GTF2H5: variants seen among roughly 807,000 people sequenced by gnomAD.
GTF2H5 encodes the protein general transcription factor IIH subunit 5, also known as TFB5 ortholog.
Under a neutral mutation model 7.1 loss-of-function variants are expected in GTF2H5, and 5 were observed. That is an observed-to-expected ratio of 0.71 (90% CI 0.37 to 1.49). The LOEUF (loss-of-function observed/expected upper bound fraction) is 1.49. GTF2H5 is among the 40% of genes most tolerant of loss of function. The pLI is 0.03. For missense variants in GTF2H5, 80 were observed against 83.0 expected (o/e 0.96, Z 0.14); for synonymous variants, 30 against 31.7 (o/e 0.95, Z 0.18).
rs1056790469 is a variant in GTF2H5 at position 158,195,096 on chromosome 6, T to G, written c.*2939T>G. The stretch of plus-strand genomic sequence containing the variant: ...ATTATTTGATTTGGCATACTTTACA[T>G]GTCCAGAACAAGGCTGTTGGTGCTT... On this transcript the variant is annotated 3_prime_UTR_variant, in exon 3 of 3. Transcript: ENST00000607778. 2 of 151,906 alleles carry G rather than the reference T, an allele frequency of 1.3e-5. No individual in the cohort carries two copies. The highest frequency in any genetic ancestry group is 4.8e-5 in the African/African-American group (2 of 41,342). The allele number at this position is 151,906 out of a possible 1,614,324, so 9.4% of individuals were successfully genotyped here. A position where few individuals can be genotyped will look rare whatever the true frequency, so the allele number is the denominator to read the frequency against.
At chr6:158,177,469 G>A (rs183968356) in intron 2 of GTF2H5, among the ~76,000 whole-genome samples, 2 of 152,290 alleles carry the variant, frequency 1.3e-5, no homozygotes, top group Non-Finnish European at 2.9e-5. Flanking sequence ...AGCTGATGGG[G>A]ACTTTTTGAT....
In GTF2H5 at chr6:158,192,147, C is replaced by T. The variant is rs144130001; in HGVS notation, c.206C>T (p.Thr69Ile). 1.7e-5 allele frequency: 27 copies of T among 1,611,644 alleles called. No homozygotes were observed. The highest frequency in any genetic ancestry group is 6.7e-5 in the Admixed American group (4 of 59,994). ...ATGGACCAAAATGCTTTTTCCCTTA[C>T]CCAGAAATGAAAATACTCAATATGG... Reference protein sequence around the residue: ...ELMDQNAFSLTQK With the variant: ...ELMDQNAFSLIQK The change falls in exon 3 of 3, where the codon ACC becomes ATC. Residue 69 changes from threonine to isoleucine, a missense_variant. Transcript: ENST00000607778.
rs548551604 is a variant in GTF2H5 at position 158,178,717 on chromosome 6, A to G, written c.35+8179A>G. Among the ~76,000 whole-genome samples the G allele has an allele frequency of 7.2e-5, 11 of 152,090 alleles. No individual in the cohort carries two copies. The South Asian group carries it at 2.3e-3, about 32-fold the overall frequency. On this transcript the variant is annotated intron_variant, in intron 2 of 2. Transcript: ENST00000607778. ...GGGGTTGTTTGCTTTTTTCTTGTAA[A>G]TTTGTTTAAGTTCTTTGTAGATTCT...
intron 2 of GTF2H5, chr6:158,190,509 G>T: frequency 3.2e-6 from 1 of 314,176 alleles, no homozygotes; most frequent in Non-Finnish European, 6.2e-6. Context: ...TCTCAACCCA[G>T]CAGCCAATAT....
chr6:158,194,413 T>A lies in GTF2H5; in HGVS notation c.*2256T>A, dbSNP rs1225041296. On this transcript the variant is annotated 3_prime_UTR_variant, in exon 3 of 3. Transcript: ENST00000607778. ...GACGGGAGCTCAGTTGCAACAATTC[T>A]ACAGAAGTAAAAACATGCAAAAAAT... 6.6e-6 allele frequency: 1 copy of A among 152,206 alleles called. No homozygotes were observed. Among genetic ancestry groups the A allele is most frequent in the Non-Finnish European group, 1.5e-5 (1 of 68,044 alleles). The allele number at this position is 152,206 out of a possible 1,614,324, so 9.4% of individuals were successfully genotyped here.
chr6:158,190,727 GTTACC>G, intron 2 of GTF2H5: 3 of 408,416 alleles, frequency 7.3e-6, no homozygotes, highest in South Asian at 5.4e-5. Context: ...GGATTAAATT[GTTACC>G]TTTACAATTG....
intron 2 of GTF2H5, among the ~76,000 whole-genome samples, chr6:158,176,772 A>G (rs995743211): frequency 1.3e-5 from 2 of 152,176 alleles, no homozygotes; most frequent in African/African-American, 4.8e-5. Context: ...TTATTTGTTA[A>G]CAGCAAGCCA....
rs1167068836 is a variant in GTF2H5, at chr6:158,194,959, G to C, written c.*2802G>C. On this transcript the variant is annotated 3_prime_UTR_variant, in exon 3 of 3. Transcript: ENST00000607778. ...TCTGGACATTATTAAGAAAGATAGA[G>C]TGATGTGAATGATAGGAAGCCCACC... 1 of 152,198 alleles carries C rather than the reference G, an allele frequency of 6.6e-6. No homozygotes were observed. Among genetic ancestry groups the C allele is most frequent in the Non-Finnish European group, 1.5e-5 (1 of 68,038 alleles). The allele number at this position is 152,198 out of a possible 1,614,324, so 9.4% of individuals were successfully genotyped here.
chr6:158,185,841 A>G (rs933196036), intron 2 of GTF2H5, among the ~76,000 whole-genome samples: 1 of 152,004 alleles, frequency 6.6e-6, no homozygotes, highest in South Asian at 2.1e-4. Context: ...AAAAAATACA[A>G]AAAAAATCTG....
At position 158,169,772 on chromosome 6, in the gene GTF2H5, A is replaced by ATATAATATATTGTATATTATATATT. The variant is rs1187068824; in HGVS notation, c.-34-698_-34-697insTATAATATATTGTATATTATATATT. On this transcript the variant is annotated intron_variant, in intron 1 of 2. Coordinates refer to ENST00000607778, the MANE Select transcript of GTF2H5 (RefSeq NM_207118.3). ...ATATAATATATTGTATATTATATAT[A>ATATAATATATTGTATATTATATATT]ATATATTGTATATTATATATTATAT... 8.0e-3 allele frequency among the ~76,000 whole-genome samples: 433 copies of ATATAATATATTGTATATTATATATT among 53,932 alleles called. 67 individuals are homozygous for ATATAATATATTGTATATTATATATT. Among genetic ancestry groups the ATATAATATATTGTATATTATATATT allele is most frequent in the African/African-American group, 0.025 (272 of 10,822 alleles). 35.4% of individuals were successfully genotyped at this position (53,932 alleles called of 152,430 possible).
At chr6:158,182,335 A>G (rs1396034691) in intron 2 of GTF2H5, among the ~76,000 whole-genome samples, 2 of 152,198 alleles carry the variant, frequency 1.3e-5, no homozygotes, top group African/African-American at 2.4e-5. Context: ...ACCTTGGTGA[A>G]TCTGACAATT....
intron 2 of GTF2H5, among the ~76,000 whole-genome samples, chr6:158,173,511 A>T (rs1274335045): frequency 6.6e-6 from 1 of 152,196 alleles, no homozygotes; most frequent in East Asian, 1.9e-4. Flanking sequence ...TAATATGATT[A>T]TCAGTATAAG....
At chr6:158,189,798 A>C (rs1328935924) in intron 2 of GTF2H5, among the ~76,000 whole-genome samples, 3 of 151,948 alleles carry the variant, frequency 2.0e-5, no homozygotes, top group Non-Finnish European at 4.4e-5. Context: ...CCCATATGAA[A>C]CCCACTCCAG....
At chr6:158,180,991 T>C (rs1299765680) in intron 2 of GTF2H5, among the ~76,000 whole-genome samples, 1 of 152,188 alleles carries the variant, frequency 6.6e-6, no homozygotes, top group Non-Finnish European at 1.5e-5. Flanking sequence ...TCTCTCCTGC[T>C]TTCTCTTGTG....
At position 158,198,858 on chromosome 6, in the gene GTF2H5, T is replaced by C. The variant is rs1777153459; in HGVS notation, c.*6701T>C. 6.6e-6 allele frequency: 1 copy of C among 152,228 alleles called. No homozygotes were observed. Among genetic ancestry groups the C allele is most frequent in the East Asian group, 1.9e-4 (1 of 5,200 alleles). 9.4% of individuals were successfully genotyped at this position (152,228 alleles called of 1,614,324 possible). A position where few individuals can be genotyped will look rare whatever the true frequency, so the allele number is the denominator to read the frequency against. ...CTGCAGTTAATTATTTCTTTGAAAT[T>C]TTAAAACTTCTTAATGTTGCCTGGA... is the stretch of plus-strand genomic sequence containing the variant. On this transcript the variant is annotated 3_prime_UTR_variant, in exon 3 of 3. Transcript: ENST00000607778.
At chr6:158,169,401 AT>A (rs1391534741) in intron 1 of GTF2H5, among the ~76,000 whole-genome samples, 17 of 71,200 alleles carry the variant, frequency 2.4e-4, no homozygotes, top group Admixed American at 7.1e-4. Context: ...ATAATATTAT[AT>A]TGTATATTAT....
At chr6:158,173,895 G>C (rs1457230640) in intron 2 of GTF2H5, among the ~76,000 whole-genome samples, 1 of 152,174 alleles carries the variant, frequency 6.6e-6, no homozygotes, top group African/African-American at 2.4e-5. Flanking sequence ...TGAGTTTTCT[G>C]GAAAAGAGGC....
intron 2 of GTF2H5, among the ~76,000 whole-genome samples, chr6:158,186,433 A>C (rs954659587): frequency 3.9e-5 from 6 of 152,258 alleles, no homozygotes; most frequent in Admixed American, 1.3e-4. Context: ...AAACTGTAAC[A>C]AGTTAATCTA....
At chr6:158,178,810 C>T (rs1290156231) in intron 2 of GTF2H5, among the ~76,000 whole-genome samples, 1 of 152,186 alleles carries the variant, frequency 6.6e-6, no homozygotes, top group Non-Finnish European at 1.5e-5. Flanking sequence ...CCTGTTCACT[C>T]TGATGATAGT....
Sources: allele counts gnomAD v4.1 joint callset (sites outside exome capture counted in the v4.1 genomes callset), GRCh38; gene constraint gnomAD v4.1.1; transcripts MANE v1.5; gene names NCBI Gene and HGNC (gene_info 2026-07-23, HGNC 2026-07-21).